Variants in NELL1 observed in about 807,000 individuals in gnomAD.
The protein encoded by NELL1 is neural EGFL like 1.
NELL1 carries 76 observed loss-of-function variants against 107.4 expected under a neutral mutation model. That is an observed-to-expected ratio of 0.71 (90% confidence interval 0.59 to 0.86). The LOEUF is 0.86. Ranked by LOEUF, NELL1 falls within the 40% of genes least tolerant of loss-of-function variation. The pLI, the probability that NELL1 is intolerant of heterozygous loss-of-function variation, is 0.00. For synonymous variants in NELL1, 353 were observed against 341.2 expected, an observed-to-expected ratio of 1.03 and a Z score of -0.38; for missense variants, 1,024 against 1,005.5, an observed-to-expected ratio of 1.02 and a Z score of -0.25.
At chr11:20,717,096 C>T (rs1015119177) in intron 2 of NELL1, among the ~76,000 whole-genome samples, 24 of 152,328 alleles carry the variant, frequency 1.6e-4, no homozygotes, top group Admixed American at 1.1e-3. Context: ...CATCTTCATG[C>T]ATACCTCCTT....
In NELL1 at chr11:21,270,722, C is replaced by T. The variant is rs143750155; in HGVS notation, c.1549+41268C>T. On this transcript the variant is annotated intron_variant, in intron 14 of 19. Coordinates refer to ENST00000357134, the MANE Select transcript of NELL1 (RefSeq NM_006157.5). Reference sequence around the variant, plus strand: ...TACATCATTCAGTGACAGCACAACACACATTCTTCTCAAGCTCACATGGAA... The same window carrying T: ...TACATCATTCAGTGACAGCACAACATACATTCTTCTCAAGCTCACATGGAA... Among the ~76,000 whole-genome samples the T allele has an allele frequency of 5.4e-3, 824 of 152,228 alleles. 25 individuals carry two copies. The highest frequency in any genetic ancestry group is 7.9e-4 in the Non-Finnish European group (54 of 67,970).
At chr11:20,755,886 T>TTTTG (rs1856271484) in intron 2 of NELL1, among the ~76,000 whole-genome samples, 1 of 123,706 alleles carries the variant, frequency 8.1e-6, no homozygotes, top group Non-Finnish European at 1.6e-5. Flanking sequence ...TTTTTTTTTT[T>TTTTG]TTTTTTTTTT....
In NELL1 at chr11:20,762,566, A is replaced by G. The variant is rs536695292; in HGVS notation, c.185-21114A>G. 7.2e-5 allele frequency among the ~76,000 whole-genome samples: 11 copies of G among 152,328 alleles called. No individual in the cohort carries two copies. In the South Asian group the frequency reaches 1.0e-3, roughly 14 times the overall value. On this transcript the variant is annotated intron_variant, in intron 2 of 19. Transcript: ENST00000357134. ...TAATTCATTTGAAAAAGTTGCATGG[A>G]ACGACTGGGTGTGTGGCATGTATTT...
chr11:21,240,800 T>C (rs1297397850), intron 14 of NELL1, among the ~76,000 whole-genome samples: 1 of 151,734 alleles, frequency 6.6e-6, no homozygotes, highest in East Asian at 1.9e-4. Flanking sequence ...TTGGATGCGC[T>C]TAAAACACTT....
rs1470309267 is a variant in NELL1 at position 21,107,762 on chromosome 11, T to G, written c.1301-5827T>G. 1.3e-5 allele frequency among the ~76,000 whole-genome samples: 2 copies of G among 152,060 alleles called. 1 individual carries two copies. The highest frequency in any genetic ancestry group is 4.1e-4 in the South Asian group (2 of 4,830). ...AAAATACCTGAATGTGTCAAGAACTTTAGAAGTGATGGTTGGCTAAAGGGT... is the reference window on the plus strand; with the variant it reads ...AAAATACCTGAATGTGTCAAGAACTGTAGAAGTGATGGTTGGCTAAAGGGT... On this transcript the variant is annotated intron_variant, in intron 12 of 19. Coordinates refer to ENST00000357134, the MANE Select transcript of NELL1 (RefSeq NM_006157.5).
intron 12 of NELL1, among the ~76,000 whole-genome samples, chr11:21,006,214 G>A (rs1313581706): frequency 2.0e-5 from 3 of 152,078 alleles, no homozygotes; most frequent in South Asian, 2.1e-4. Flanking sequence ...ATATTTAGAG[G>A]TGGAGGCTTT....
At chr11:21,136,291 G>C (rs1383836232) in intron 13 of NELL1, among the ~76,000 whole-genome samples, 1 of 152,174 alleles carries the variant, frequency 6.6e-6, no homozygotes, top group Non-Finnish European at 1.5e-5. Flanking sequence ...CTGTTGTGAG[G>C]GGGGTGGGTA....
At chr11:20,710,418 C>CT (rs1236249987) in intron 2 of NELL1, among the ~76,000 whole-genome samples, 2 of 152,114 alleles carry the variant, frequency 1.3e-5, no homozygotes, top group Non-Finnish European at 2.9e-5. Context: ...GGTGTGATAT[C>CT]TTTTTGATAT....
intron 4 of NELL1, among the ~76,000 whole-genome samples, chr11:20,867,991 G>A (rs990680308): frequency 2.0e-5 from 3 of 152,212 alleles, no homozygotes; most frequent in African/African-American, 7.2e-5. Flanking sequence ...GAGGGTGGAA[G>A]AGAAGAAAGA....
chr11:20,947,061 T>A (rs1850977064), intron 10 of NELL1, among the ~76,000 whole-genome samples: 1 of 152,224 alleles, frequency 6.6e-6, no homozygotes, highest in Non-Finnish European at 1.5e-5. Flanking sequence ...GTTAGACTTT[T>A]ATCAGTGCAT....
intron 14 of NELL1, among the ~76,000 whole-genome samples, chr11:21,285,127 A>AT (rs1357280053): frequency 4.6e-5 from 7 of 152,084 alleles, no homozygotes; most frequent in African/African-American, 9.7e-5. Flanking sequence ...ACCAAAACTG[A>AT]TTTTTTTCCC....
intron 16 of NELL1, among the ~76,000 whole-genome samples, chr11:21,552,873 A>C (rs1856624590): frequency 6.6e-6 from 1 of 151,748 alleles, no homozygotes; most frequent in African/African-American, 2.4e-5. Flanking sequence ...CTCCCCTACT[A>C]GGGCATAGTT....
intron 11 of NELL1, among the ~76,000 whole-genome samples, chr11:20,959,534 G>A (rs1851246973): frequency 6.6e-6 from 1 of 152,096 alleles, no homozygotes; most frequent in Non-Finnish European, 1.5e-5. Context: ...GGGTGAGATT[G>A]GAGACTATTA....
chr11:21,392,513 T>C (rs148663406), intron 15 of NELL1, among the ~76,000 whole-genome samples: 19 of 151,966 alleles, frequency 1.3e-4, no homozygotes, highest in African/African-American at 4.6e-4. Context: ...TCCTTTATAA[T>C]TTGTCTTTAG....
chr11:21,077,919 G>C (rs976719312), intron 12 of NELL1, among the ~76,000 whole-genome samples: 1 of 152,028 alleles, frequency 6.6e-6, no homozygotes, highest in African/African-American at 2.4e-5. Flanking sequence ...AACCACAGCA[G>C]TGTTTCTCAA....
At position 21,277,806 on chromosome 11, in the gene NELL1, A is replaced by G. The variant is rs866534925; in HGVS notation, c.1549+48352A>G. Among the ~76,000 whole-genome samples the G allele has an allele frequency of 9.2e-5, 14 of 152,302 alleles. No homozygotes were observed. In the South Asian group the frequency reaches 1.4e-3, roughly 16 times the overall value. On this transcript the variant is annotated intron_variant, in intron 14 of 19. Coordinates refer to ENST00000357134, the MANE Select transcript of NELL1 (RefSeq NM_006157.5). ...CAGCAAACTGTTGCAAGGACAAAAA[A>G]CCAAACACTGCGTGTTCTCAGTCAT...
intron 12 of NELL1, among the ~76,000 whole-genome samples, chr11:20,995,059 G>T (rs1239115333): frequency 6.6e-6 from 1 of 151,914 alleles, no homozygotes; most frequent in Non-Finnish European, 1.5e-5. Flanking sequence ...TCACCTGCAT[G>T]ATGTTATTTT....
chr11:20,798,615 G>A (rs956352710), intron 3 of NELL1, among the ~76,000 whole-genome samples: 7 of 152,200 alleles, frequency 4.6e-5, no homozygotes, highest in Admixed American at 1.3e-4. Flanking sequence ...TGGACAGAAT[G>A]TTGTTGCTGA....
intron 5 of NELL1, among the ~76,000 whole-genome samples, chr11:20,893,313 C>T (rs1849656797): frequency 6.7e-6 from 1 of 150,070 alleles, no homozygotes; most frequent in Non-Finnish European, 1.5e-5. Context: ...GTGCAGCGAA[C>T]CACCATGACA....
Sources: gnomAD v4.1 joint callset for allele counts (sites outside exome capture counted in the v4.1 genomes callset) on GRCh38, gnomAD v4.1.1 for gene constraint, MANE v1.5 for transcripts, NCBI Gene and HGNC (gene_info 2026-07-23, HGNC 2026-07-21) for gene names.